Variants in USP25 observed in about 807,000 individuals in gnomAD.
USP25 encodes ubiquitin specific peptidase 25, also known as ubiquitin carboxyl-terminal hydrolase 25.
In USP25, 85 loss-of-function variants were observed where a neutral mutation model predicts 158.5. The ratio of observed to expected loss-of-function variants is 0.54; its 90% confidence interval spans 0.45 to 0.64. The LOEUF is 0.64. Ranked by LOEUF, USP25 falls within the 30% of genes least tolerant of loss-of-function variation. The pLI is 0.00. For synonymous variants in USP25, 464 were observed against 460.4 expected (o/e 1.01, Z -0.10); for missense variants, 1,242 against 1,327.3 (o/e 0.94, Z 1.00).
Position 15,826,164 on chromosome 21 carries a change from A to G in USP25, c.1305-40A>G, listed in dbSNP as rs2037491607. 1 of 1,598,830 alleles carries G rather than the reference A, an allele frequency of 6.3e-7. No individual in the cohort carries two copies. ...AATAATAAAGGCCCAAATATGCTGT[A>G]TATAGAAATAAAAGCATTTGTACAT... On this transcript the variant is annotated intron_variant, in intron 12 of 25. Coordinates refer to ENST00000400183, the MANE Select transcript of USP25 (RefSeq NM_001283041.3). This position sits in a 1 kb window ranked among gnomAD's most constrained non-coding sequence, Gnocchi z 4.8.
At position 15,811,118 on chromosome 21, in the gene USP25, AT is replaced by A; in HGVS notation, c.858-13del. The stretch of plus-strand genomic sequence containing the variant: ...GTCCGAAAATTGTAATCACATTTAT[AT>A]TTTTTAACATACTTTAGGGATGAAG... On this transcript the variant is annotated intron_variant, in intron 8 of 25. Transcript: ENST00000400183. 6.3e-7 allele frequency: 1 copy of A among 1,595,006 alleles called. No homozygotes were observed. The highest frequency in any genetic ancestry group is 8.5e-7 in the Non-Finnish European group (1 of 1,173,150).
chr21:15,742,358 A>G (rs540360778), intron 1 of USP25, among the ~76,000 whole-genome samples: 9 of 152,292 alleles, frequency 5.9e-5, no homozygotes, highest in Non-Finnish European at 1.2e-4. Context: ...ATGATGTACC[A>G]TTAGTGGCCA....
At position 15,831,255 on chromosome 21, in the gene USP25, A is replaced by T. The variant is rs536689081; in HGVS notation, c.1765-146A>T. On this transcript the variant is annotated intron_variant, in intron 15 of 25. Transcript: ENST00000400183. The stretch of plus-strand genomic sequence containing the variant: ...AGTTTTATAGTTTAGTTTTTTTCAA[A>T]CTTTTAAGCCCAGCCAGTTCTCTCT... 19 of 689,350 alleles carry T rather than the reference A, an allele frequency of 2.8e-5. No homozygotes were observed. The South Asian group carries it at 3.5e-4, about 13-fold the overall frequency. 42.7% of individuals were successfully genotyped at this position (689,350 alleles called of 1,614,324 possible). A position where few individuals can be genotyped will look rare whatever the true frequency, so the allele number is the denominator to read the frequency against.
chr21:15,857,507 T>C (rs2039211361), intron 20 of USP25, among the ~76,000 whole-genome samples: 1 of 152,172 alleles, frequency 6.6e-6, no homozygotes, highest in Non-Finnish European at 1.5e-5. Flanking sequence ...CTTTGATCTT[T>C]GTGAGGGTCA....
At chr21:15,783,158 A>G (rs1368307575) in intron 4 of USP25, among the ~76,000 whole-genome samples, 1 of 152,102 alleles carries the variant, frequency 6.6e-6, no homozygotes, top group Non-Finnish European at 1.5e-5. Flanking sequence ...GCAGAATAAT[A>G]CATTTCTGAA....
At chr21:15,807,256 C>T (rs2036437910) in intron 7 of USP25, among the ~76,000 whole-genome samples, 1 of 152,086 alleles carries the variant, frequency 6.6e-6, no homozygotes, top group African/African-American at 2.4e-5. Flanking sequence ...TTTAATCATA[C>T]CTTTAATTGT....
At chr21:15,841,864 A>G (rs2038350805) in intron 17 of USP25, among the ~76,000 whole-genome samples, 1 of 152,176 alleles carries the variant, frequency 6.6e-6, no homozygotes, top group Non-Finnish European at 1.5e-5. Flanking sequence ...GGAACTCAAA[A>G]GATGGATAGG....
chr21:15,773,859 G>A (rs1280433884), intron 3 of USP25, among the ~76,000 whole-genome samples: 2 of 152,122 alleles, frequency 1.3e-5, no homozygotes, highest in Non-Finnish European at 2.9e-5. Flanking sequence ...AAACAAAATG[G>A]TTAGAAGATT....
At chr21:15,823,263 T>C (rs753714514) in intron 10 of USP25, among the ~76,000 whole-genome samples, 2 of 152,048 alleles carry the variant, frequency 1.3e-5, no homozygotes, top group South Asian at 4.1e-4. Flanking sequence ...TATGCTTATG[T>C]ATAATTTGAG....
intron 1 of USP25, among the ~76,000 whole-genome samples, 194 bp downstream of exon 1, chr21:15,730,632 T>C (rs1390688470): frequency 6.6e-6 from 1 of 152,212 alleles, no homozygotes; most frequent in Admixed American, 6.5e-5. Flanking sequence ...GAGTGTAGTT[T>C]GCGGGCTTCA....
At chr21:15,761,299 T>G (rs1452794090) in intron 1 of USP25, among the ~76,000 whole-genome samples, 1 of 152,172 alleles carries the variant, frequency 6.6e-6, no homozygotes, top group African/African-American at 2.4e-5. Context: ...TAGTCAGACA[T>G]GAGCAGGGCA....
At chr21:15,842,349 A>T (rs776831982) in intron 17 of USP25, 49 bp from the exon 18 acceptor site, 2 of 1,581,776 alleles carry the variant, frequency 1.3e-6, no homozygotes, top group Non-Finnish European at 8.6e-7. Flanking sequence ...ATCTTAGTAT[A>T]GACTCTGTGG....
Position 15,826,106 on chromosome 21 carries a change from G to A in USP25, c.1305-98G>A. On this transcript the variant is annotated intron_variant, in intron 12 of 25. Coordinates refer to ENST00000400183, the MANE Select transcript of USP25 (RefSeq NM_001283041.3). This position sits in a 1 kb window ranked among gnomAD's most constrained non-coding sequence, Gnocchi z 4.8. ...GCAAATGAATTTTATTGCTGAGGAA[G>A]TTTTATTGAAGTATCGTATCACGTT... 4.0e-6 allele frequency: 5 copies of A among 1,262,444 alleles called. No individual in the cohort carries two copies. The highest frequency in any genetic ancestry group is 4.4e-6 in the Non-Finnish European group (4 of 917,000). 78.2% of individuals were successfully genotyped at this position (1,262,444 alleles called of 1,614,324 possible).
intron 3 of USP25, among the ~76,000 whole-genome samples, chr21:15,777,464 G>A (rs1357147537): frequency 6.6e-6 from 1 of 152,140 alleles, no homozygotes; most frequent in Non-Finnish European, 1.5e-5. Flanking sequence ...AGAGTTCACT[G>A]TTAATTATTG....
At position 15,811,225 on chromosome 21, in the gene USP25, T is replaced by G; in HGVS notation, c.931+15T>G. The G allele has an allele frequency of 6.3e-7, 1 of 1,591,236 alleles. No individual in the cohort carries two copies. Among genetic ancestry groups the G allele is most frequent in the Non-Finnish European group, 8.6e-7 (1 of 1,167,576 alleles). ...AGTACTTGAAGGTAGAGTTATACAT[T>G]TACTTTTTATTGCAAGTGAAGAGAG... On this transcript the variant is annotated intron_variant, in intron 9 of 25. Transcript: ENST00000400183.
intron 1 of USP25, among the ~76,000 whole-genome samples, chr21:15,735,532 C>G (rs930386481): frequency 1.3e-5 from 2 of 152,132 alleles, no homozygotes; most frequent in Non-Finnish European, 2.9e-5. Flanking sequence ...CTCTGGGGGT[C>G]CTGGAACCAG....
chr21:15,768,935 G>A (rs2034192534), intron 3 of USP25, among the ~76,000 whole-genome samples: 1 of 152,028 alleles, frequency 6.6e-6, no homozygotes, highest in South Asian at 2.1e-4. Context: ...CAAAACGTCT[G>A]TCTTCTGAAA....
chr21:15,763,306 G>A (rs991232798), intron 2 of USP25, among the ~76,000 whole-genome samples: 2 of 152,110 alleles, frequency 1.3e-5, no homozygotes, highest in African/African-American at 2.4e-5. Context: ...TCAAGGTGGG[G>A]TGTATTAGAG....
At chr21:15,733,807 A>T (rs2123149403) in intron 1 of USP25, among the ~76,000 whole-genome samples, 1 of 152,156 alleles carries the variant, frequency 6.6e-6, no homozygotes, top group East Asian at 1.9e-4. Flanking sequence ...GCGCCATTGC[A>T]CTCCAGCCTG....
Sources: allele counts gnomAD v4.1 joint callset (sites outside exome capture counted in the v4.1 genomes callset), GRCh38; gene constraint gnomAD v4.1.1; non-coding constraint Gnocchi (gnomAD v3.1); transcripts MANE v1.5; gene names NCBI Gene and HGNC (gene_info 2026-07-23, HGNC 2026-07-21).